Variants in IQCH observed in about 807,000 individuals in gnomAD.
The protein encoded by IQCH is IQ motif containing H.
In IQCH, 98 loss-of-function variants were observed where a neutral mutation model predicts 117.0. That is an observed-to-expected ratio of 0.84 (90% CI 0.71 to 0.99). IQCH has a LOEUF of 0.99. Among genes scored for constraint, IQCH ranks in the 50% least tolerant of loss-of-function variants. The pLI is 0.00. For missense variants in IQCH, 1,102 were observed against 1,243.8 expected, an observed-to-expected ratio of 0.89 and a Z score of 1.72; for synonymous variants, 412 against 448.2, an observed-to-expected ratio of 0.92 and a Z score of 1.02.
intron 4 of IQCH, among the ~76,000 whole-genome samples, chr15:67,284,672 T>C (rs1259888727): frequency 6.6e-6 from 1 of 152,166 alleles, no homozygotes; most frequent in African/African-American, 2.4e-5. Flanking sequence ...GTCCATGTGT[T>C]CTTATCACTT....
At position 67,457,683 on chromosome 15, in the gene IQCH, C is replaced by T. The variant is rs1291824441; in HGVS notation, c.2506-7444C>T. On this transcript the variant is annotated intron_variant, in intron 16 of 20. Transcript: ENST00000335894. This position sits in a 1 kb window ranked among gnomAD's most constrained non-coding sequence, Gnocchi z 5.7. ...CCCTCAGGGATAGATCCCATCAGGCCTATATTAATAGACAAGGAAATAGGC... is the reference window on the plus strand; with the variant it reads ...CCCTCAGGGATAGATCCCATCAGGCTTATATTAATAGACAAGGAAATAGGC... Among the ~76,000 whole-genome samples, 1 of 152,166 alleles carries T rather than the reference C, an allele frequency of 6.6e-6. No homozygotes were observed. Among genetic ancestry groups the T allele is most frequent in the Non-Finnish European group, 1.5e-5 (1 of 68,034 alleles).
chr15:67,318,783 G>A (rs756148961), intron 4 of IQCH, among the ~76,000 whole-genome samples: 1 of 152,192 alleles, frequency 6.6e-6, no homozygotes, highest in Non-Finnish European at 1.5e-5. Context: ...GTAAGTCAAT[G>A]GGAAAGGGAG....
At chr15:67,306,774 A>T (rs1012131562) in intron 4 of IQCH, 3 of 1,270,682 alleles carry the variant, frequency 2.4e-6, no homozygotes, top group African/African-American at 3.0e-5. Context: ...GATTTTTTCA[A>T]TATCTTCAAT....
intron 4 of IQCH, among the ~76,000 whole-genome samples, chr15:67,280,458 C>G (rs1457670586): frequency 6.6e-6 from 1 of 152,188 alleles, no homozygotes. Flanking sequence ...GCCGGCAGAT[C>G]CGGTGTCTGG....
At chr15:67,291,732 T>G (rs1181006555) in intron 4 of IQCH, among the ~76,000 whole-genome samples, 1 of 152,220 alleles carries the variant, frequency 6.6e-6, no homozygotes, top group Middle Eastern at 3.4e-3. Context: ...GGGTAAAAAT[T>G]TTACTGATGA....
At position 67,393,716 on chromosome 15, in the gene IQCH, C is replaced by T. The variant is rs545415657; in HGVS notation, c.1633-1575C>T. ...TTTTTGTAGATAGGGGGTTTTGCCA[C>T]GTTGCCCAGGCTGGTCTGAAAGTCC... On this transcript the variant is annotated intron_variant, in intron 12 of 20. Coordinates refer to ENST00000335894, the MANE Select transcript of IQCH (RefSeq NM_001031715.3). The surrounding 1 kb of genome is among the most constrained non-coding windows in gnomAD (Gnocchi z 5.5). 9.9e-5 allele frequency among the ~76,000 whole-genome samples: 15 copies of T among 151,896 alleles called. No individual in the cohort carries two copies. The highest frequency in any genetic ancestry group is 2.9e-4 in the African/African-American group (12 of 41,414).
chr15:67,471,295 ATTAT>A (rs10606280), intron 17 of IQCH, among the ~76,000 whole-genome samples: 130,779 of 151,962 alleles, frequency 0.86, 56,324 homozygotes, highest in Middle Eastern at 0.89. Context: ...TTTCCAAATC[ATTAT>A]TTCTTTTTTG....
At position 67,430,549 on chromosome 15, in the gene IQCH, C is replaced by T. The variant is rs1271286689; in HGVS notation, c.2505+8972C>T. The T allele has an allele frequency of 6.6e-6, 1 of 151,880 alleles. No individual in the cohort carries two copies. The highest frequency in any genetic ancestry group is 2.4e-5 in the African/African-American group (1 of 41,356). 9.4% of individuals were successfully genotyped at this position (151,880 alleles called of 1,614,324 possible). A position where few individuals can be genotyped will look rare whatever the true frequency, so the allele number is the denominator to read the frequency against. On this transcript the variant is annotated intron_variant, in intron 16 of 20. Transcript: ENST00000335894. This position sits in a 1 kb window ranked among gnomAD's most constrained non-coding sequence, Gnocchi z 5.1. ...ATTGCCTCCATGAGATTTTTTTAAT[C>T]CTTTAGAAAATGTACTAGGCCTTGA...
chr15:67,280,449 C>T lies in IQCH; in HGVS notation c.387+937C>T, dbSNP rs148330345. Among the ~76,000 whole-genome samples the T allele has an allele frequency of 1.6e-3, 250 of 152,302 alleles. 4 individuals carry two copies. In the South Asian group the frequency reaches 0.025, roughly 15 times the overall value. On this transcript the variant is annotated intron_variant, in intron 4 of 20. Transcript: ENST00000335894. ...AGGCTGGAATTCAAAGGTCAAGGTGCCGGCAGATCCGGTGTCTGGTGAGGT... is the reference window on the plus strand; with the variant it reads ...AGGCTGGAATTCAAAGGTCAAGGTGTCGGCAGATCCGGTGTCTGGTGAGGT...
intron 4 of IQCH, among the ~76,000 whole-genome samples, chr15:67,310,599 A>G (rs1396795336): frequency 6.6e-6 from 1 of 152,172 alleles, no homozygotes. Flanking sequence ...CTTTTGGCAC[A>G]GCATAATAGT....
In IQCH at chr15:67,484,921, A is replaced by C. The variant is rs1288830532; in HGVS notation, c.2800-5082A>C. ...ATCCAATTAAAAAAAGGTATACTAAAAGAAGGACCAAATCATTGAAAACAA... is the reference window on the plus strand; with the variant it reads ...ATCCAATTAAAAAAAGGTATACTAACAGAAGGACCAAATCATTGAAAACAA... On this transcript the variant is annotated intron_variant, in intron 18 of 20. Coordinates refer to ENST00000335894, the MANE Select transcript of IQCH (RefSeq NM_001031715.3). Among the ~76,000 whole-genome samples, 5 of 152,058 alleles carry C rather than the reference A, an allele frequency of 3.3e-5. No homozygotes were observed. The South Asian group carries it at 1.0e-3, about 32-fold the overall frequency.
chr15:67,294,006 A>G (rs1443619449), intron 4 of IQCH, among the ~76,000 whole-genome samples: 1 of 152,174 alleles, frequency 6.6e-6, no homozygotes, highest in East Asian at 1.9e-4. Context: ...TCCCCTATAG[A>G]TACAGTAGTG....
rs1441885326 is a variant in IQCH at position 67,500,959 on chromosome 15, T to C, written c.*213T>C. On this transcript the variant is annotated 3_prime_UTR_variant, in exon 21 of 21. Transcript: ENST00000335894. The surrounding 1 kb of genome is among the most constrained non-coding windows in gnomAD (Gnocchi z 4.4). ...AACCAAAACTTATTTGTGTTTTCATTTGAGAGTGTTGAACAATCCCTTCTT... is the reference window on the plus strand; with the variant it reads ...AACCAAAACTTATTTGTGTTTTCATCTGAGAGTGTTGAACAATCCCTTCTT... The C allele has an allele frequency of 6.0e-6, 2 of 335,384 alleles. No individual in the cohort carries two copies. The highest frequency in any genetic ancestry group is 1.1e-5 in the Non-Finnish European group (2 of 181,822). 20.8% of individuals were successfully genotyped at this position (335,384 alleles called of 1,614,324 possible).
At chr15:67,273,526 A>G (rs946945509) in intron 3 of IQCH, among the ~76,000 whole-genome samples, 2 of 152,212 alleles carry the variant, frequency 1.3e-5, no homozygotes, top group African/African-American at 4.8e-5. Context: ...AATAATAGAA[A>G]CAAAGAAAAA....
intron 16 of IQCH, among the ~76,000 whole-genome samples, chr15:67,429,321 A>C (rs2081967872): frequency 1.3e-5 from 2 of 152,188 alleles, no homozygotes; most frequent in African/African-American, 4.8e-5. Flanking sequence ...TGAGATCAGC[A>C]TAGGCAACAT....
At chr15:67,331,865 T>C (rs1325263115) in intron 4 of IQCH, among the ~76,000 whole-genome samples, 1 of 152,216 alleles carries the variant, frequency 6.6e-6, no homozygotes, top group Non-Finnish European at 1.5e-5. Flanking sequence ...TGCCAAGCAC[T>C]CTGAGGACAT....
In IQCH at chr15:67,431,919, C is replaced by T. The variant is rs1005725070; in HGVS notation, c.2505+10342C>T. 2.0e-5 allele frequency among the ~76,000 whole-genome samples: 3 copies of T among 152,078 alleles called. No individual in the cohort carries two copies. Among genetic ancestry groups the T allele is most frequent in the Non-Finnish European group, 4.4e-5 (3 of 67,990 alleles). On this transcript the variant is annotated intron_variant, in intron 16 of 20. Coordinates refer to ENST00000335894, the MANE Select transcript of IQCH (RefSeq NM_001031715.3). The surrounding 1 kb of genome is among the most constrained non-coding windows in gnomAD (Gnocchi z 4.8). ...GGCATGGTGGCACACATCTGTAATCCTACCTACATGGGAGGCTGAGGCAGG... is the reference window on the plus strand; with the variant it reads ...GGCATGGTGGCACACATCTGTAATCTTACCTACATGGGAGGCTGAGGCAGG...
chr15:67,340,380 T>C (rs1480289078), intron 5 of IQCH, among the ~76,000 whole-genome samples: 1 of 120,290 alleles, frequency 8.3e-6, no homozygotes. Flanking sequence ...TGAATCAAGA[T>C]CGTGACACTG....
intron 17 of IQCH, among the ~76,000 whole-genome samples, chr15:67,469,084 A>G (rs2083005514): frequency 6.6e-6 from 1 of 152,222 alleles, no homozygotes; most frequent in Non-Finnish European, 1.5e-5. Flanking sequence ...GTGATTTAGA[A>G]AGGTAGTTTA....
Sources: gnomAD v4.1 joint callset for allele counts (sites outside exome capture counted in the v4.1 genomes callset) on GRCh38, gnomAD v4.1.1 for gene constraint, Gnocchi (gnomAD v3.1) non-coding constraint, MANE v1.5 for transcripts, NCBI Gene and HGNC (gene_info 2026-07-23, HGNC 2026-07-21) for gene names.